IL1RL2: variants seen among roughly 807,000 people sequenced by gnomAD.
IL1RL2 encodes interleukin-1 receptor-like 2.
A neutral mutation model predicts 66.8 loss-of-function variants in IL1RL2; 68 were observed. The ratio of observed to expected loss-of-function variants is 1.02; its 90% confidence interval spans 0.84 to 1.25. The LOEUF is 1.25. IL1RL2 is among the 50% of genes most tolerant of loss of function. The pLI, the probability that IL1RL2 is intolerant of heterozygous loss-of-function variation, is 0.00. For synonymous variants in IL1RL2, 305 were observed against 264.6 expected, an observed-to-expected ratio of 1.15 and a Z score of -1.48; for missense variants, 729 against 709.3, an observed-to-expected ratio of 1.03 and a Z score of -0.32.
intron 4 of IL1RL2, among the ~76,000 whole-genome samples, chr2:102,194,325 C>T (rs1385486071): frequency 6.6e-6 from 1 of 152,146 alleles, no homozygotes; most frequent in Non-Finnish European, 1.5e-5. Context: ...ATTTTCTTTG[C>T]TGTGTACTAT....
At chr2:102,217,643 C>T (rs534521516) in intron 6 of IL1RL2, among the ~76,000 whole-genome samples, 5 of 152,218 alleles carry the variant, frequency 3.3e-5, no homozygotes, top group African/African-American at 1.2e-4. Context: ...CAACAGCCAA[C>T]TGATATTTGA....
intron 8 of IL1RL2, among the ~76,000 whole-genome samples, chr2:102,224,171 A>G (rs1578176250): frequency 6.6e-6 from 1 of 152,326 alleles, no homozygotes; most frequent in Non-Finnish European, 1.5e-5. Flanking sequence ...GTTCCTCAAA[A>G]AACTAAAAAT....
At position 102,239,387 on chromosome 2, in the gene IL1RL2, T is replaced by C; in HGVS notation, c.*146T>C. On this transcript the variant is annotated 3_prime_UTR_variant, in exon 12 of 12. Coordinates refer to ENST00000264257, the MANE Select transcript of IL1RL2 (RefSeq NM_003854.4). ...AGCTCAGGCGTAGAGAAGAGGAGGA[T>C]GGGATAAGAACTGGGGCCATCCCCA... 1 of 732,182 alleles carries C rather than the reference T, an allele frequency of 1.4e-6. No homozygotes were observed. Among genetic ancestry groups the C allele is most frequent in the Admixed American group, 2.1e-5 (1 of 48,390 alleles). 45.4% of individuals were successfully genotyped at this position (732,182 alleles called of 1,614,324 possible).
chr2:102,233,753 C>T (rs77851368), intron 10 of IL1RL2, among the ~76,000 whole-genome samples: 146 of 152,174 alleles, frequency 9.6e-4, no homozygotes, highest in Middle Eastern at 3.4e-3. Context: ...AAGGGGTCCC[C>T]GGCATGGAGC....
intron 4 of IL1RL2, among the ~76,000 whole-genome samples, chr2:102,200,254 G>A (rs1352727615): frequency 2.0e-5 from 3 of 151,966 alleles, no homozygotes; most frequent in Non-Finnish European, 4.4e-5. Flanking sequence ...GTCAGATTAT[G>A]AGTTGGTTTC....
chr2:102,203,486 T>C (rs1318667871), intron 5 of IL1RL2, among the ~76,000 whole-genome samples: 1 of 151,916 alleles, frequency 6.6e-6, no homozygotes, highest in African/African-American at 2.4e-5. Flanking sequence ...CTTTAAATGT[T>C]TGTTAGAATT....
At chr2:102,205,805 T>C (rs1960510) in intron 5 of IL1RL2, among the ~76,000 whole-genome samples, 96,025 of 152,038 alleles carry the variant, frequency 0.63, 30,631 homozygotes, top group Admixed American at 0.69. Context: ...TCTGTTATCC[T>C]TTTGAATAAA....
chr2:102,209,658 AG>A (rs1688991835), intron 5 of IL1RL2, among the ~76,000 whole-genome samples: 1 of 152,206 alleles, frequency 6.6e-6, no homozygotes, highest in Non-Finnish European at 1.5e-5. Flanking sequence ...TTTACCATGC[AG>A]CCACTGAAGG....
intron 9 of IL1RL2, among the ~76,000 whole-genome samples, chr2:102,231,893 T>C (rs916891616): frequency 6.6e-6 from 1 of 152,230 alleles, no homozygotes; most frequent in Admixed American, 6.5e-5. Flanking sequence ...CTGGTGGGCC[T>C]GAATCAAGAG....
chr2:102,200,771 G>T (rs1399550358), intron 4 of IL1RL2, among the ~76,000 whole-genome samples: 1 of 152,110 alleles, frequency 6.6e-6, no homozygotes, highest in Non-Finnish European at 1.5e-5. Flanking sequence ...AGTGAGGCTT[G>T]CCCTCTGGGT....
intron 8 of IL1RL2, among the ~76,000 whole-genome samples, chr2:102,221,311 C>T (rs764817166): frequency 2.6e-5 from 4 of 152,142 alleles, no homozygotes; most frequent in Non-Finnish European, 5.9e-5. Context: ...TCTCTTTCCC[C>T]TTTATGGCAT....
downstream of IL1RL2, among the ~76,000 whole-genome samples, chr2:102,240,361 CTTTTTTTTTTTTTTTT>C (rs551743835): frequency 5.0e-5 from 4 of 79,772 alleles, no homozygotes; most frequent in Admixed American, 1.8e-4. Context: ...TCTTCTCCTC[CTTTTTTTTTTTTTTTT>C]TTTTTTTTTT....
chr2:102,189,395 C>A (rs1687028258), intron 3 of IL1RL2, 85 bp downstream of exon 3: 2 of 796,370 alleles, frequency 2.5e-6, no homozygotes, highest in East Asian at 5.4e-5. Context: ...ATAGAAAACT[C>A]TTGAGAAGAA....
chr2:102,188,239 T>C lies in IL1RL2; in HGVS notation c.58+314T>C, dbSNP rs538209814. On this transcript the variant is annotated intron_variant, in intron 2 of 11. Transcript: ENST00000264257. ...TATTTTATAAGATAAAGCGTTATTT[T>C]ATGACACAAGGTGAAAGCAAGGAAA... Among the ~76,000 whole-genome samples, 13 of 152,264 alleles carry C rather than the reference T, an allele frequency of 8.5e-5. No individual in the cohort carries two copies. The South Asian group carries it at 1.0e-3, about 12-fold the overall frequency.
intron 5 of IL1RL2, among the ~76,000 whole-genome samples, chr2:102,206,742 A>G (rs1026900752): frequency 6.6e-6 from 1 of 152,242 alleles, no homozygotes; most frequent in African/African-American, 2.4e-5. Flanking sequence ...GCTACTGCTT[A>G]TGTTTGCTTT....
chr2:102,205,377 T>C (rs192765338), intron 5 of IL1RL2, among the ~76,000 whole-genome samples: 8 of 152,300 alleles, frequency 5.3e-5, no homozygotes, highest in African/African-American at 1.9e-4. Flanking sequence ...GATTACTCAT[T>C]GCTCATTAAT....
At chr2:102,202,737 T>C (rs1160679773) in intron 5 of IL1RL2, among the ~76,000 whole-genome samples, 3 of 152,358 alleles carry the variant, frequency 2.0e-5, no homozygotes, top group African/African-American at 2.4e-5. Flanking sequence ...TGATTTTGTA[T>C]CCAGCAACTT....
At chr2:102,194,614 A>G (rs1416712280) in intron 4 of IL1RL2, among the ~76,000 whole-genome samples, 1 of 152,186 alleles carries the variant, frequency 6.6e-6, no homozygotes, top group African/African-American at 2.4e-5. Context: ...TATTTGGATA[A>G]ATGAGTAATT....
chr2:102,227,816 C>T (rs1158966771), intron 9 of IL1RL2, among the ~76,000 whole-genome samples: 2 of 152,200 alleles, frequency 1.3e-5, no homozygotes, highest in Non-Finnish European at 2.9e-5. Context: ...CTGTCTCTCT[C>T]TCTCACTGAC....
Sources: allele counts gnomAD v4.1 joint callset (sites outside exome capture counted in the v4.1 genomes callset), GRCh38; gene constraint gnomAD v4.1.1; transcripts MANE v1.5; gene names NCBI Gene and HGNC (gene_info 2026-07-23, HGNC 2026-07-21).